The following LINGO2 variants were observed in gnomAD, a reference collection of about 807,000 sequenced individuals.
The protein encoded by LINGO2 is leucine rich repeat and Ig domain containing 2.
In LINGO2, 14 loss-of-function variants were observed where a neutral mutation model predicts 30.6. The observed-to-expected ratio is 0.46, with a 90% CI of 0.30 to 0.72. The LOEUF (loss-of-function observed/expected upper bound fraction) is 0.72, where lower values mean the gene tolerates loss of function less well. Among genes scored for constraint, LINGO2 ranks in the 30% least tolerant of loss-of-function variants. The probability of loss-of-function intolerance (pLI) is 0.07; values close to 1 mark genes in which losing one functional copy is unlikely to be tolerated. For missense variants in LINGO2, 729 were observed against 751.7 expected (o/e 0.97, Z 0.35); for synonymous variants, 317 against 288.5 (o/e 1.10, Z -1.00).
intron 5 of LINGO2, among the ~76,000 whole-genome samples, chr9:28,011,001 A>G (rs1440986744): frequency 6.6e-6 from 1 of 152,160 alleles, no homozygotes; most frequent in East Asian, 1.9e-4. Context: ...CAATCTTAAC[A>G]TTATCCACAG....
intron 2 of LINGO2, among the ~76,000 whole-genome samples, chr9:28,396,532 G>A (rs948641683): frequency 9.2e-5 from 14 of 151,712 alleles, no homozygotes; most frequent in Middle Eastern, 3.4e-3. Context: ...GTGAAACCCC[G>A]TCTCTACTAA....
At chr9:28,136,495 T>C (rs1050535061) in intron 4 of LINGO2, among the ~76,000 whole-genome samples, 3 of 152,238 alleles carry the variant, frequency 2.0e-5, no homozygotes, top group African/African-American at 7.2e-5. Flanking sequence ...TAATTCTGCC[T>C]AGCAGGGATG....
chr9:28,086,243 A>G (rs987400233), intron 4 of LINGO2, among the ~76,000 whole-genome samples: 1 of 152,112 alleles, frequency 6.6e-6, no homozygotes, highest in African/African-American at 2.4e-5. Context: ...ACAAAATTAA[A>G]ACATATGGAA....
At chr9:28,946,780 T>A in the LINGO2 span, among the ~76,000 whole-genome samples, 1 of 152,086 alleles carries the variant, frequency 6.6e-6, no homozygotes, top group East Asian at 1.9e-4. Context: ...CTATTACCAA[T>A]ACAGAAGCAA....
chr9:28,561,225 C>G (rs1231175059), intron 1 of LINGO2, among the ~76,000 whole-genome samples: 1 of 151,736 alleles, frequency 6.6e-6, no homozygotes, highest in Admixed American at 6.6e-5. Flanking sequence ...TTTAGAATGC[C>G]CAACCACCCT....
chr9:28,686,274 G>A, the LINGO2 span, among the ~76,000 whole-genome samples: 2 of 152,076 alleles, frequency 1.3e-5, no homozygotes, highest in South Asian at 4.1e-4. Flanking sequence ...AGATGATTTT[G>A]TAAGGGCAAT....
At chr9:28,150,757 T>A (rs1827975450) in intron 4 of LINGO2, among the ~76,000 whole-genome samples, 2 of 152,192 alleles carry the variant, frequency 1.3e-5, no homozygotes, top group Non-Finnish European at 2.9e-5. Flanking sequence ...TCAGAATCCC[T>A]TCCAAAATAA....
chr9:28,483,837 A>G (rs1360661630), intron 1 of LINGO2, among the ~76,000 whole-genome samples: 2 of 152,068 alleles, frequency 1.3e-5, no homozygotes, highest in Admixed American at 6.6e-5. Flanking sequence ...AAGAACATCC[A>G]CTGTTAACCT....
At chr9:28,278,626 A>G (rs549467082) in intron 4 of LINGO2, among the ~76,000 whole-genome samples, 17 of 152,310 alleles carry the variant, frequency 1.1e-4, no homozygotes, top group Non-Finnish European at 1.6e-4. Flanking sequence ...TTTTAAGCCC[A>G]TTGTTGAGAC....
intron 4 of LINGO2, among the ~76,000 whole-genome samples, chr9:28,261,570 T>C (rs2134047562): frequency 6.6e-6 from 1 of 152,006 alleles, no homozygotes; most frequent in South Asian, 2.1e-4. Context: ...ATAAGATACC[T>C]TTAGATTTGA....
the LINGO2 span, among the ~76,000 whole-genome samples, chr9:29,099,856 ACAATC>A: frequency 0.23 from 35,684 of 151,904 alleles, 4,263 homozygotes; most frequent in East Asian, 0.4. Context: ...GGGTTACCAT[ACAATC>A]CATCAACCCC....
intron 2 of LINGO2, among the ~76,000 whole-genome samples, chr9:28,463,425 G>A (rs116669725): frequency 0.013 from 1,972 of 152,116 alleles, 36 homozygotes; most frequent in African/African-American, 0.045. Flanking sequence ...GAAGAAAAAT[G>A]AGAAAAGTGT....
the LINGO2 span, among the ~76,000 whole-genome samples, chr9:28,994,684 C>G: frequency 0.64 from 96,739 of 150,874 alleles, 31,841 homozygotes; most frequent in Non-Finnish European, 0.72. Flanking sequence ...TAGATCAATG[C>G]AACAGAACAG....
At chr9:28,142,394 T>C (rs1181025832) in intron 4 of LINGO2, among the ~76,000 whole-genome samples, 1 of 152,158 alleles carries the variant, frequency 6.6e-6, no homozygotes, top group Non-Finnish European at 1.5e-5. Context: ...TGAATCCTAG[T>C]TGCAAGTTAT....
chr9:28,249,779 A>C (rs1487763356), intron 4 of LINGO2, among the ~76,000 whole-genome samples: 1 of 152,180 alleles, frequency 6.6e-6, no homozygotes, highest in Non-Finnish European at 1.5e-5. Context: ...AGAAGTAAAA[A>C]TTCTTCCCCT....
At chr9:29,137,688 G>A in the LINGO2 span, among the ~76,000 whole-genome samples, 9 of 152,052 alleles carry the variant, frequency 5.9e-5, no homozygotes, top group Non-Finnish European at 1.0e-4. Context: ...GGATCTTTTC[G>A]GAGTGAAGGC....
At chr9:28,766,151 C>A in the LINGO2 span, among the ~76,000 whole-genome samples, 1 of 151,986 alleles carries the variant, frequency 6.6e-6, no homozygotes, top group South Asian at 2.1e-4. Flanking sequence ...AAGAAAATCA[C>A]AAGGCTGCCT....
At chr9:28,044,483 T>C (rs1198008) in intron 4 of LINGO2, among the ~76,000 whole-genome samples, 136,331 of 152,162 alleles carry the variant, frequency 0.9, 61,627 homozygotes, top group Non-Finnish European at 0.96. Flanking sequence ...ATAGACAACC[T>C]GAAAGCCAGG....
chr9:28,398,951 A>T (rs906215920), intron 2 of LINGO2, among the ~76,000 whole-genome samples: 2 of 152,170 alleles, frequency 1.3e-5, no homozygotes, highest in African/African-American at 4.8e-5. Flanking sequence ...GTTCAATCAC[A>T]GTCAAAAACT....
Sources: allele counts gnomAD v4.1 joint callset (sites outside exome capture counted in the v4.1 genomes callset), GRCh38; gene constraint gnomAD v4.1.1; transcripts MANE v1.5; gene names NCBI Gene and HGNC (gene_info 2026-07-23, HGNC 2026-07-21).